The following PGAP3 variants were observed in gnomAD, a reference collection of about 807,000 sequenced individuals.
PGAP3 encodes post-GPI attachment to proteins phospholipase 3.
In PGAP3, 31 loss-of-function variants were observed where a neutral mutation model predicts 40.3. The ratio of observed to expected loss-of-function variants is 0.77; its 90% CI spans 0.58 to 1.04. The LOEUF is 1.04. Ranked by LOEUF, PGAP3 falls within the 50% of genes least tolerant of loss-of-function variation. PGAP3 has a pLI of 0.00. For missense variants in PGAP3, 413 were observed against 423.0 expected (o/e 0.98, Z 0.21); for synonymous variants, 191 against 184.5 (o/e 1.04, Z -0.29).
In PGAP3 at chr17:39,671,163, C is replaced by T. The variant is rs2057300316; in HGVS notation, c.*1640G>A. 6.6e-6 allele frequency: 1 copy of T among 152,396 alleles called. No individual in the cohort carries two copies. The allele number at this position is 152,396 out of a possible 1,614,324, so 9.4% of individuals were successfully genotyped here. A position where few individuals can be genotyped will look rare whatever the true frequency, so the allele number is the denominator to read the frequency against. On this transcript the variant is annotated 3_prime_UTR_variant, in exon 8 of 8. Transcript: ENST00000300658. The stretch of plus-strand genomic sequence containing the variant: ...TTTATTAAGCACATCCCTTGCCACC[C>T]TCCCACCTTAAAAGTTTTCAGTATC...
Position 39,684,671 on chromosome 17 carries a change from C to T in PGAP3, c.358G>A (p.Val120Met). 1 of 1,614,046 alleles carries T rather than the reference C, an allele frequency of 6.2e-7. No homozygotes were observed. The highest frequency in any genetic ancestry group is 8.5e-7 in the Non-Finnish European group (1 of 1,179,962). The change falls in exon 3 of 8, where the codon GTG (valine) becomes ATG (methionine). Residue 120 changes from valine (V) to methionine (M), a missense_variant. Coordinates refer to ENST00000300658, the MANE Select transcript of PGAP3 (RefSeq NM_033419.5). ...ASFLNGLASL[V>M]MLCRYRTFVP... is the part of the protein sequence containing the mutation. ...AAGGTGCGGTAGCGGCAGAGCATCA[C>T]CAGGCTGGCCAGGCCATTGAGAAAC...
chr17:39,683,443 C>A (rs923483070), intron 3 of PGAP3, among the ~76,000 whole-genome samples: 2 of 152,200 alleles, frequency 1.3e-5, no homozygotes. Context: ...CTCTCCCCGA[C>A]TGCACTTTTT....
intron 7 of PGAP3, 43 bp from the exon 8 acceptor site, chr17:39,672,909 C>T (rs767641277): frequency 1.9e-6 from 3 of 1,604,970 alleles, no homozygotes; most frequent in Non-Finnish European, 2.6e-6. Context: ...ACAGCTCTGA[C>T]AGCTCGCATG....
At chr17:39,674,705 T>G (rs113081942) in intron 3 of PGAP3, 26 bp from the exon 4 acceptor site, 19 of 1,541,842 alleles carry the variant, frequency 1.2e-5, no homozygotes, top group Non-Finnish European at 1.7e-5. Context: ...CTGGTGAGCA[T>G]GCTGCCCCCC....
At position 39,684,762 on chromosome 17, in the gene PGAP3, C is replaced by G. The variant is rs1235627510; in HGVS notation, c.280-13G>C. ...GGGAGAAGGGCCACTGAAAAAGGAG[C>G]AGATGAAGGAGGTTTGAAGGGCAGG... is the stretch of plus-strand genomic sequence containing the variant. On this transcript the variant is annotated splice_polypyrimidine_tract_variant and intron_variant, in intron 2 of 7. Transcript: ENST00000300658. 6.3e-7 allele frequency: 1 copy of G among 1,583,012 alleles called. No homozygotes were observed. The highest frequency in any genetic ancestry group is 8.6e-7 in the Non-Finnish European group (1 of 1,165,064).
In PGAP3 at chr17:39,673,794, G is replaced by A; in HGVS notation, c.558-144C>T. 8 of 1,276,230 alleles carry A rather than the reference G, an allele frequency of 6.3e-6. No homozygotes were observed. In the South Asian group the frequency reaches 9.8e-5, roughly 16 times the overall value. The allele number at this position is 1,276,230 out of a possible 1,614,324, so 79.1% of individuals were successfully genotyped here. Reference sequence around the variant, plus strand: ...CCACCAAACAGGCCACAGCTGGGCAGCAAGTGCTACAGCTCCTTGTCAGGA... The same window carrying A: ...CCACCAAACAGGCCACAGCTGGGCAACAAGTGCTACAGCTCCTTGTCAGGA... On this transcript the variant is annotated intron_variant, in intron 5 of 7. Transcript: ENST00000300658.
intron 3 of PGAP3, among the ~76,000 whole-genome samples, chr17:39,679,103 G>A (rs1224000589): frequency 3.3e-5 from 5 of 152,014 alleles, no homozygotes; most frequent in Non-Finnish European, 4.4e-5. Context: ...CCATCACCAC[G>A]CCTGACTAAT....
chr17:39,687,788 G>A lies in PGAP3; in HGVS notation c.181+46C>T, dbSNP rs537484478. ...GAGGCGTATTGGGGGCGCAGGGGGC[G>A]GGAGCAAGACAAATGGGCGGGGCTT... On this transcript the variant is annotated intron_variant, in intron 1 of 7. Transcript: ENST00000300658. 4 of 1,303,756 alleles carry A rather than the reference G, an allele frequency of 3.1e-6. No homozygotes were observed. The South Asian group carries it at 6.9e-5, about 23-fold the overall frequency. 80.8% of individuals were successfully genotyped at this position (1,303,756 alleles called of 1,614,324 possible).
chr17:39,682,261 A>AAAAT (rs2057451583), intron 3 of PGAP3, among the ~76,000 whole-genome samples: 4 of 142,720 alleles, frequency 2.8e-5, no homozygotes, highest in African/African-American at 5.0e-5. Flanking sequence ...AAAAAAAAAA[A>AAAAT]TCTGATGTTA....
Position 39,672,032 on chromosome 17 carries a change from T to A in PGAP3, c.*771A>T, listed in dbSNP as rs2057312246. The A allele has an allele frequency of 6.5e-6, 1 of 152,884 alleles. No individual in the cohort carries two copies. Among genetic ancestry groups the A allele is most frequent in the Non-Finnish European group, 1.5e-5 (1 of 68,450 alleles). 9.5% of individuals were successfully genotyped at this position (152,884 alleles called of 1,614,324 possible). A position where few individuals can be genotyped will look rare whatever the true frequency, so the allele number is the denominator to read the frequency against. On this transcript the variant is annotated 3_prime_UTR_variant, in exon 8 of 8. Transcript: ENST00000300658. Reference sequence around the variant, plus strand: ...CACACCTCTTCCCCGACAACACCCGTCTCCACACTGCGCACCTAGGCCTGA... The same window carrying A: ...CACACCTCTTCCCCGACAACACCCGACTCCACACTGCGCACCTAGGCCTGA...
Position 39,672,770 on chromosome 17 carries a change from G to T in PGAP3, c.*33C>A, listed in dbSNP as rs1351139234. The T allele has an allele frequency of 1.2e-6, 2 of 1,603,404 alleles. No individual in the cohort carries two copies. The highest frequency in any genetic ancestry group is 2.2e-5 in the East Asian group (1 of 44,854). ...AGGGAGGCCAGCAGGGCGGGGGCAG[G>T]ATCCCCACTGGGGCAGACTCGCTCC... is the stretch of plus-strand genomic sequence containing the variant. On this transcript the variant is annotated 3_prime_UTR_variant, in exon 8 of 8. Coordinates refer to ENST00000300658, the MANE Select transcript of PGAP3 (RefSeq NM_033419.5).
At chr17:39,686,977 C>A (rs766893947) in intron 1 of PGAP3, among the ~76,000 whole-genome samples, 3 of 152,168 alleles carry the variant, frequency 2.0e-5, no homozygotes, top group Non-Finnish European at 4.4e-5. Flanking sequence ...AATTCTTCAA[C>A]CTGACTTTTG....
In PGAP3 at chr17:39,688,005, G is replaced by A. The variant is rs762320296; in HGVS notation, c.10C>T (p.Leu4=). 5.7e-6 allele frequency: 8 copies of A among 1,411,896 alleles called. No homozygotes were observed. The highest frequency in any genetic ancestry group is 7.5e-6 in the Non-Finnish European group (8 of 1,065,306). 87.5% of individuals were successfully genotyped at this position (1,411,896 alleles called of 1,614,324 possible). The change falls in exon 1 of 8, where the codon CTG becomes TTG. Residue 4 remains leucine, a synonymous_variant. Coordinates refer to ENST00000300658, the MANE Select transcript of PGAP3 (RefSeq NM_033419.5). ...GCTAGCAGGACCAACCGCGCCGCCA[G>A]GCCGGCCATCCTTTCTCCCTGGCTC... is the stretch of plus-strand genomic sequence containing the variant. MAG[L]AARLVLLAGA...
chr17:39,674,110 G>A (rs1232436480), intron 4 of PGAP3, 56 bp from the exon 5 acceptor site: 30 of 1,556,790 alleles, frequency 1.9e-5, no homozygotes, highest in East Asian at 1.8e-4. Context: ...GAGAGGACCC[G>A]CGGGGATGGG....
chr17:39,684,192 T>C (rs987497808), intron 3 of PGAP3, among the ~76,000 whole-genome samples: 1 of 140,704 alleles, frequency 7.1e-6, no homozygotes, highest in Non-Finnish European at 1.5e-5. Flanking sequence ...TGGCTGTGAC[T>C]CCCCACCAGG....
At chr17:39,684,149 A>G (rs1420609078) in intron 3 of PGAP3, among the ~76,000 whole-genome samples, 2 of 143,862 alleles carry the variant, frequency 1.4e-5, no homozygotes, top group Admixed American at 7.1e-5. Flanking sequence ...AAAAAAAAAA[A>G]AAAAGACTAG....
chr17:39,674,814 G>T, intron 3 of PGAP3, 135 bp from the exon 4 acceptor site: 1 of 909,712 alleles, frequency 1.1e-6, no homozygotes, highest in Non-Finnish European at 1.7e-6. Flanking sequence ...TGCCCCTGGA[G>T]CCCTCTGAAC....
At chr17:39,674,076 G>A in intron 4 of PGAP3, 22 bp from the exon 5 acceptor site, 1 of 1,610,700 alleles carries the variant, frequency 6.2e-7, no homozygotes, top group Non-Finnish European at 8.5e-7. Context: ...GAAGGGTGGT[G>A]AGGGACCAGC....
At chr17:39,679,991 G>A (rs1050274407) in intron 3 of PGAP3, among the ~76,000 whole-genome samples, 51 of 152,098 alleles carry the variant, frequency 3.4e-4, no homozygotes, top group African/African-American at 1.2e-3. Context: ...CCCACCTCAC[G>A]ACTCCCAGGG....
Sources: allele counts gnomAD v4.1 joint callset (sites outside exome capture counted in the v4.1 genomes callset), GRCh38; gene constraint gnomAD v4.1.1; transcripts MANE v1.5; gene names NCBI Gene and HGNC (gene_info 2026-07-23, HGNC 2026-07-21).